The following CRISPLD2 variants were observed in gnomAD, a reference collection of about 807,000 sequenced individuals.
CRISPLD2 encodes cysteine-rich secretory protein LCCL domain-containing 2.
A neutral mutation model predicts 71.1 loss-of-function variants in CRISPLD2; 47 were observed. The ratio of observed to expected loss-of-function variants is 0.66; its 90% CI spans 0.52 to 0.84. The LOEUF is 0.84. Among genes scored for constraint, CRISPLD2 ranks in the 40% least tolerant of loss-of-function variants. The pLI, the probability that CRISPLD2 is intolerant of heterozygous loss-of-function variation, is 0.00. For synonymous variants in CRISPLD2, 317 were observed against 250.1 expected, an observed-to-expected ratio of 1.27 and a Z score of -2.52; for missense variants, 830 against 651.1, an observed-to-expected ratio of 1.27 and a Z score of -2.99.
intron 1 of CRISPLD2, among the ~76,000 whole-genome samples, chr16:84,826,885 G>A (rs1280124108): frequency 1.3e-5 from 2 of 152,190 alleles, no homozygotes; most frequent in East Asian, 1.9e-4. Context: ...GAAAGGCCCC[G>A]GGATTTTCTC....
chr16:84,883,857 T>G (rs1597478046), intron 13 of CRISPLD2, among the ~76,000 whole-genome samples: 1 of 151,208 alleles, frequency 6.6e-6, no homozygotes, highest in Non-Finnish European at 1.5e-5. Flanking sequence ...TTTTTTTTTT[T>G]TTTTGAGACG....
intron 3 of CRISPLD2, among the ~76,000 whole-genome samples, chr16:84,848,238 C>G (rs1037852547): frequency 5.9e-5 from 9 of 152,220 alleles, no homozygotes; most frequent in African/African-American, 2.2e-4. Context: ...TGCCTCCTCA[C>G]TGTGTGCACG....
At chr16:84,897,805 CG>C (rs1210500536) in intron 14 of CRISPLD2, among the ~76,000 whole-genome samples, 1 of 152,122 alleles carries the variant, frequency 6.6e-6, no homozygotes, top group Non-Finnish European at 1.5e-5. Flanking sequence ...TTAGTAGAGA[CG>C]GGGTTTCGCC....
chr16:84,872,745 C>T (rs1005036578), intron 9 of CRISPLD2, among the ~76,000 whole-genome samples: 4 of 152,200 alleles, frequency 2.6e-5, no homozygotes, highest in African/African-American at 9.6e-5. Context: ...CACACTGGAC[C>T]GAGCAGGGAG....
At chr16:84,873,146 C>G (rs373572693) in intron 10 of CRISPLD2, 24 bp downstream of exon 10, 186 of 1,601,200 alleles carry the variant, frequency 1.2e-4, no homozygotes, top group Non-Finnish European at 1.5e-4. Context: ...GATCGGGGCT[C>G]TGTGAAACGG....
intron 14 of CRISPLD2, among the ~76,000 whole-genome samples, chr16:84,905,701 A>G (rs1367742228): frequency 8.2e-6 from 1 of 122,252 alleles, no homozygotes; most frequent in Non-Finnish European, 1.6e-5. Context: ...CCTGACCAAT[A>G]AAGCTCTTTT....
chr16:84,833,643 G>C (rs1916542789), intron 1 of CRISPLD2, among the ~76,000 whole-genome samples: 1 of 152,202 alleles, frequency 6.6e-6, no homozygotes, highest in Non-Finnish European at 1.5e-5. Flanking sequence ...TCTGCAGGGG[G>C]CATCCATCTG....
Position 84,838,483 on chromosome 16 carries a change from C to G in CRISPLD2, c.-13C>G. ...TGCCCCGTGAGTCCCATAGTTGCTGCAGGAGTGGAGCCATGAGCTGCGTCC... is the reference window on the plus strand; with the variant it reads ...TGCCCCGTGAGTCCCATAGTTGCTGGAGGAGTGGAGCCATGAGCTGCGTCC... On this transcript the variant is annotated 5_prime_UTR_variant, in exon 2 of 15. Coordinates refer to ENST00000262424, the MANE Select transcript of CRISPLD2 (RefSeq NM_031476.4). 1 of 1,610,640 alleles carries G rather than the reference C, an allele frequency of 6.2e-7. No individual in the cohort carries two copies. Among genetic ancestry groups the G allele is most frequent in the Non-Finnish European group, 8.5e-7 (1 of 1,177,502 alleles).
At chr16:84,864,468 G>A (rs1027427296) in intron 6 of CRISPLD2, among the ~76,000 whole-genome samples, 2 of 152,152 alleles carry the variant, frequency 1.3e-5, no homozygotes, top group African/African-American at 2.4e-5. Flanking sequence ...GCCAGCTCCC[G>A]CTCTCAGTGA....
intron 14 of CRISPLD2, among the ~76,000 whole-genome samples, chr16:84,897,316 G>A (rs968594165): frequency 1.3e-5 from 2 of 151,356 alleles, no homozygotes; most frequent in African/African-American, 4.9e-5. Flanking sequence ...GCCGGGCATG[G>A]TGGCATGCAC....
chr16:84,901,186 A>G (rs772895318), intron 14 of CRISPLD2, among the ~76,000 whole-genome samples: 76 of 152,234 alleles, frequency 5.0e-4, no homozygotes, highest in Non-Finnish European at 1.0e-3. Flanking sequence ...ATCCCGAGAT[A>G]TATTGTTAAG....
At chr16:84,861,381 C>A (rs1433933229) in intron 6 of CRISPLD2, among the ~76,000 whole-genome samples, 2 of 152,064 alleles carry the variant, frequency 1.3e-5, no homozygotes, top group Non-Finnish European at 2.9e-5. Flanking sequence ...ATCACAAGGT[C>A]CCACAGTAGG....
At chr16:84,833,189 G>A (rs1157404844) in intron 1 of CRISPLD2, among the ~76,000 whole-genome samples, 5 of 152,162 alleles carry the variant, frequency 3.3e-5, no homozygotes, top group African/African-American at 9.7e-5. Context: ...TCTGGGCAGC[G>A]CGGGAGAAGT....
In CRISPLD2 at chr16:84,866,996, T is replaced by A. The variant is rs958808084; in HGVS notation, c.809T>A (p.Met270Lys). 1 of 1,613,994 alleles carries A rather than the reference T, an allele frequency of 6.2e-7. No individual in the cohort carries two copies. The highest frequency in any genetic ancestry group is 2.2e-5 in the East Asian group (1 of 44,858). ...ENHVWLQPRV[M>K]RPTKPKKTSA... Reference sequence around the variant, plus strand: ...CATGTTTGGCTCCAACCGAGGGTGATGAGACCCACCAAGCCCAAGAAAACC... The same window carrying A: ...CATGTTTGGCTCCAACCGAGGGTGAAGAGACCCACCAAGCCCAAGAAAACC... The change falls in exon 7 of 15, where the codon ATG (methionine) becomes AAG (lysine). Residue 270 changes from methionine to lysine, a missense_variant. Transcript: ENST00000262424.
At chr16:84,895,810 G>A (rs943712354) in intron 14 of CRISPLD2, among the ~76,000 whole-genome samples, 2 of 152,224 alleles carry the variant, frequency 1.3e-5, no homozygotes, top group African/African-American at 2.4e-5. Flanking sequence ...CTGGATGCTC[G>A]CCTCTGGCCC....
intron 2 of CRISPLD2, 125 bp downstream of exon 2, chr16:84,838,860 C>A: frequency 8.1e-7 from 1 of 1,236,474 alleles, no homozygotes; most frequent in Non-Finnish European, 1.1e-6. Flanking sequence ...AGGGTCTCCT[C>A]TGGCAGGGGA....
At chr16:84,896,197 C>G (rs1597485207) in intron 14 of CRISPLD2, among the ~76,000 whole-genome samples, 1 of 152,142 alleles carries the variant, frequency 6.6e-6, no homozygotes, top group South Asian at 2.1e-4. Flanking sequence ...GCCACCACAC[C>G]TGGCTAATTT....
At chr16:84,905,602 A>T (rs1049740314) in intron 14 of CRISPLD2, among the ~76,000 whole-genome samples, 15 of 151,022 alleles carry the variant, frequency 9.9e-5, no homozygotes, top group African/African-American at 3.7e-4. Flanking sequence ...TGTTGGCCAG[A>T]CTGGTCTCGA....
intron 13 of CRISPLD2, among the ~76,000 whole-genome samples, chr16:84,885,057 G>T (rs184443768): frequency 6.6e-6 from 1 of 152,316 alleles, no homozygotes; most frequent in Admixed American, 6.5e-5. Flanking sequence ...TCTTGTTGTT[G>T]TTGTTGGAAA....
Sources: gnomAD v4.1 joint callset for allele counts (sites outside exome capture counted in the v4.1 genomes callset) on GRCh38, gnomAD v4.1.1 for gene constraint, MANE v1.5 for transcripts, NCBI Gene and HGNC (gene_info 2026-07-23, HGNC 2026-07-21) for gene names.